Variants in SLC9A8 observed in about 807,000 individuals in gnomAD.
SLC9A8 encodes solute carrier family 9 member A8.
SLC9A8 carries 48 observed loss-of-function variants against 66.6 expected under a neutral mutation model. The observed-to-expected ratio is 0.72, with a 90% CI of 0.57 to 0.92. The LOEUF (loss-of-function observed/expected upper bound fraction) is 0.92, where lower values mean the gene tolerates loss of function less well. Ranked by LOEUF, SLC9A8 falls within the 40% of genes least tolerant of loss-of-function variation. The pLI is 0.00. For missense variants in SLC9A8, 599 were observed against 747.3 expected, an observed-to-expected ratio of 0.80 and a Z score of 2.31; for synonymous variants, 274 against 282.6, an observed-to-expected ratio of 0.97 and a Z score of 0.31.
At chr20:49,879,698 G>A (rs770131438) in intron 12 of SLC9A8, among the ~76,000 whole-genome samples, 9 of 151,782 alleles carry the variant, frequency 5.9e-5, no homozygotes, top group Non-Finnish European at 8.8e-5. Context: ...GGTAGCACAC[G>A]CCTGTAATCC....
chr20:49,888,246 T>G lies in SLC9A8; in HGVS notation c.*310T>G. Reference sequence around the variant, plus strand: ...CAGTCATCTGTGAAGCTAGGGCGCCTACCCCCCCACCCGGAGGACCCCTGC... The same window carrying G: ...CAGTCATCTGTGAAGCTAGGGCGCCGACCCCCCCACCCGGAGGACCCCTGC... On this transcript the variant is annotated 3_prime_UTR_variant, in exon 16 of 16. Transcript: ENST00000361573. 1 of 310,378 alleles carries G rather than the reference T, an allele frequency of 3.2e-6. No homozygotes were observed. The highest frequency in any genetic ancestry group is 6.2e-6 in the Non-Finnish European group (1 of 161,434). 19.2% of individuals were successfully genotyped at this position (310,378 alleles called of 1,614,324 possible).
In SLC9A8 at chr20:49,830,959, T is replaced by TG. The variant is rs552328217; in HGVS notation, c.289+7819dup. The TG allele has an allele frequency of 1.7e-3, 1,357 of 788,166 alleles. 29 individuals are homozygous for TG. The South Asian group carries it at 0.018, about 10-fold the overall frequency. 48.8% of individuals were successfully genotyped at this position (788,166 alleles called of 1,614,324 possible). ...TGCAGAAGGATCTCTGCTTAGCCAT[T>TG]GCGCTGGGCAATGCGGTCAACTCTC... On this transcript the variant is annotated intron_variant, in intron 3 of 15. Transcript: ENST00000361573.
At chr20:49,833,852 G>A (rs912068767) in intron 3 of SLC9A8, among the ~76,000 whole-genome samples, 3 of 152,148 alleles carry the variant, frequency 2.0e-5, no homozygotes, top group East Asian at 3.8e-4. Context: ...CCTTAATTAG[G>A]TGTATGCACA....
rs1159650109 is a variant in SLC9A8 at position 49,815,015 on chromosome 20, C to A, written c.34C>A (p.Pro12Thr). 36 of 1,570,642 alleles carry A rather than the reference C, an allele frequency of 2.3e-5. No individual in the cohort carries two copies. Among genetic ancestry groups the A allele is most frequent in the Non-Finnish European group, 3.0e-5 (35 of 1,155,466 alleles). Reference sequence around the variant, plus strand: ...GCTTTCTATGTCCTCCAGGAGGTTCCCCAATACAACTCATGAGGGTTTCAA... The same window carrying A: ...GCTTTCTATGTCCTCCAGGAGGTTCACCAATACAACTCATGAGGGTTTCAA... ...GEKMAEEERF[P>T]NTTHEGFNVT... The change falls in exon 2 of 16, where the codon CCC becomes ACC. Residue 12 changes from proline to threonine, a missense_variant. Transcript: ENST00000361573.
At chr20:49,834,214 T>TATATACACAC (rs1479055075) in intron 3 of SLC9A8, among the ~76,000 whole-genome samples, 8 of 112,150 alleles carry the variant, frequency 7.1e-5, no homozygotes, top group African/African-American at 2.7e-4. Context: ...TATATATATA[T>TATATACACAC]ACACACACAC....
At chr20:49,830,560 C>T (rs545685111) in intron 3 of SLC9A8, 14 of 618,552 alleles carry the variant, frequency 2.3e-5, no homozygotes, top group Admixed American at 1.1e-4. Flanking sequence ...GCGTCCAGGT[C>T]GGGGGGTCGC....
At chr20:49,871,133 C>T (rs1286422081) in intron 10 of SLC9A8, among the ~76,000 whole-genome samples, 4 of 152,236 alleles carry the variant, frequency 2.6e-5, no homozygotes, top group Non-Finnish European at 5.9e-5. Flanking sequence ...CTCTGTACCT[C>T]AGTGAGTCTG....
intron 3 of SLC9A8, among the ~76,000 whole-genome samples, chr20:49,825,421 G>A (rs1229579919): frequency 2.0e-5 from 3 of 152,092 alleles, no homozygotes; most frequent in African/African-American, 7.2e-5. Flanking sequence ...TGGGTGGATC[G>A]CCTCAGGCCA....
rs1279226234 is a variant in SLC9A8, at chr20:49,889,758, C to T, written c.*1822C>T. ...AGAGGGTAGGGACCTTTGCCTGCCC[C>T]TGGGCGAGTGCGGGCAGGGATCTGA... is the stretch of plus-strand genomic sequence containing the variant. On this transcript the variant is annotated 3_prime_UTR_variant, in exon 16 of 16. Coordinates refer to ENST00000361573, the MANE Select transcript of SLC9A8 (RefSeq NM_015266.3). 1.3e-5 allele frequency: 2 copies of T among 152,164 alleles called. No homozygotes were observed. The highest frequency in any genetic ancestry group is 2.4e-5 in the African/African-American group (1 of 41,424). 9.4% of individuals were successfully genotyped at this position (152,164 alleles called of 1,614,324 possible). A position where few individuals can be genotyped will look rare whatever the true frequency, so the allele number is the denominator to read the frequency against.
intron 1 of SLC9A8, among the ~76,000 whole-genome samples, chr20:49,813,610 G>T (rs1222722162): frequency 1.3e-5 from 2 of 152,170 alleles, no homozygotes; most frequent in African/African-American, 4.8e-5. Flanking sequence ...TCATCGCCAA[G>T]GTCTGATTTT....
intron 2 of SLC9A8, among the ~76,000 whole-genome samples, chr20:49,821,897 A>G (rs1311995087): frequency 6.6e-6 from 1 of 152,148 alleles, no homozygotes; most frequent in Non-Finnish European, 1.5e-5. Flanking sequence ...GAGATTGAGG[A>G]ATGAAGGCAT....
intron 11 of SLC9A8, 95 bp downstream of exon 11, chr20:49,874,916 C>A: frequency 3.7e-6 from 3 of 818,538 alleles, no homozygotes; most frequent in Admixed American, 1.8e-5. Flanking sequence ...CTTTCCCTGG[C>A]AGCAGGGCAG....
intron 14 of SLC9A8, among the ~76,000 whole-genome samples, chr20:49,884,656 C>T (rs1403258204): frequency 2.6e-5 from 4 of 152,120 alleles, no homozygotes; most frequent in Non-Finnish European, 4.4e-5. Flanking sequence ...GGATGTCTTG[C>T]GGTGGCTGTG....
chr20:49,854,486 G>A lies in SLC9A8; in HGVS notation c.570-952G>A, dbSNP rs566956992. On this transcript the variant is annotated intron_variant, in intron 7 of 15. Coordinates refer to ENST00000361573, the MANE Select transcript of SLC9A8 (RefSeq NM_015266.3). ...CCCTTCACAGAGGCCTCTCCAGACCGCCCCATCTAAGTGGCTCCCACACCC... is the reference window on the plus strand; with the variant it reads ...CCCTTCACAGAGGCCTCTCCAGACCACCCCATCTAAGTGGCTCCCACACCC... 1.4e-3 allele frequency among the ~76,000 whole-genome samples: 211 copies of A among 152,020 alleles called. 1 individual carries two copies. The highest frequency in any genetic ancestry group is 6.8e-3 in the Middle Eastern group (2 of 294).
At chr20:49,835,814 T>G (rs1292186366) in intron 3 of SLC9A8, among the ~76,000 whole-genome samples, 1 of 149,470 alleles carries the variant, frequency 6.7e-6, no homozygotes, top group Non-Finnish European at 1.5e-5. Flanking sequence ...GCCTCCCCAG[T>G]AGCTGTAATT....
At chr20:49,885,977 A>G (rs1008705596) in intron 14 of SLC9A8, among the ~76,000 whole-genome samples, 2 of 152,224 alleles carry the variant, frequency 1.3e-5, no homozygotes, top group Non-Finnish European at 2.9e-5. Flanking sequence ...CGGTGGGCTC[A>G]GTATTTTGTG....
At chr20:49,817,732 T>C (rs1425189947) in intron 2 of SLC9A8, among the ~76,000 whole-genome samples, 4 of 152,198 alleles carry the variant, frequency 2.6e-5, no homozygotes, top group African/African-American at 9.7e-5. Context: ...ACTGAAAAAG[T>C]ACACAGACCA....
chr20:49,887,798 CCT>C (rs1286902011), intron 15 of SLC9A8, 29 bp from the exon 16 acceptor site: 1 of 1,540,622 alleles, frequency 6.5e-7, no homozygotes, highest in East Asian at 2.3e-5. Flanking sequence ...CCCCTGACGC[CCT>C]GACGGCTTGG....
chr20:49,868,948 C>G (rs886073287), intron 10 of SLC9A8, among the ~76,000 whole-genome samples: 7 of 152,236 alleles, frequency 4.6e-5, no homozygotes, highest in Admixed American at 6.5e-5. Flanking sequence ...AATTATAACT[C>G]AGCAAGCGTT....
Sources: gnomAD v4.1 joint callset for allele counts (sites outside exome capture counted in the v4.1 genomes callset) on GRCh38, gnomAD v4.1.1 for gene constraint, MANE v1.5 for transcripts, NCBI Gene and HGNC (gene_info 2026-07-23, HGNC 2026-07-21) for gene names.